The following PTPRD variants were observed in gnomAD, a reference collection of about 807,000 sequenced individuals.
PTPRD encodes the protein protein tyrosine phosphatase receptor type D, also known as receptor-type tyrosine-protein phosphatase delta.
In PTPRD, 34 loss-of-function variants were observed where a neutral mutation model predicts 214.5. That is an observed-to-expected ratio of 0.16 (90% CI 0.12 to 0.21). The LOEUF (loss-of-function observed/expected upper bound fraction) is 0.21. Among genes scored for constraint, PTPRD ranks in the 10% least tolerant of loss-of-function variants. The pLI is 1.00. For missense variants in PTPRD, 2,545 were observed against 2,398.7 expected, an observed-to-expected ratio of 1.06 and a Z score of -1.27; for synonymous variants, 1,128 against 845.7, an observed-to-expected ratio of 1.33 and a Z score of -5.79.
intron 11 of PTPRD, among the ~76,000 whole-genome samples, chr9:8,909,845 T>C (rs1486091773): frequency 8.0e-6 from 1 of 124,742 alleles, no homozygotes; most frequent in Non-Finnish European, 1.6e-5. Context: ...GAAAGGGAGA[T>C]GGAGAGAGAG....
intron 12 of PTPRD, among the ~76,000 whole-genome samples, chr9:8,731,384 G>A (rs184585936): frequency 1.2e-3 from 186 of 152,248 alleles, no homozygotes; most frequent in African/African-American, 3.5e-3. Context: ...GGATCAATAC[G>A]AAACACAGTT....
intron 12 of PTPRD, chr9:8,700,922 G>T (rs2098064811): frequency 6.6e-6 from 1 of 152,122 alleles, no homozygotes; most frequent in Non-Finnish European, 1.5e-5. Flanking sequence ...CAGCACTTTG[G>T]GAGGCCGAGG....
rs5896325 is a variant in PTPRD at position 9,413,100 on chromosome 9, C to CTTTTTTTTTTTTTTTTTT, written c.-236-15636_-236-15619dup. Among the ~76,000 whole-genome samples the CTTTTTTTTTTTTTTTTTT allele has an allele frequency of 1.6e-3, 98 of 63,022 alleles. 13 individuals are homozygous for CTTTTTTTTTTTTTTTTTT. Among genetic ancestry groups the CTTTTTTTTTTTTTTTTTT allele is most frequent in the East Asian group, 3.3e-3 (5 of 1,516 alleles). The allele number at this position is 63,022 out of a possible 152,430, so 41.3% of individuals were successfully genotyped here. On this transcript the variant is annotated intron_variant, in intron 8 of 45. Transcript: ENST00000381196. ...CAAGTTATAAAATATCTTGCAGCTT[C>CTTTTTTTTTTTTTTTTTT]TTTTTTTTTTTTTTTTTTTTTTTTT...
intron 5 of PTPRD, among the ~76,000 whole-genome samples, chr9:9,894,745 G>A (rs551212597): frequency 2.2e-4 from 33 of 151,942 alleles, no homozygotes; most frequent in African/African-American, 6.0e-4. Flanking sequence ...CTATGCATTC[G>A]GAGATTTAAT....
chr9:9,514,089 C>T (rs1267384738), intron 8 of PTPRD, among the ~76,000 whole-genome samples: 1 of 151,996 alleles, frequency 6.6e-6, no homozygotes, highest in Non-Finnish European at 1.5e-5. Context: ...TGTTTTTGTG[C>T]TTTGAACATT....
chr9:9,884,346 GCAA>G, intron 5 of PTPRD, among the ~76,000 whole-genome samples: 1 of 152,222 alleles, frequency 6.6e-6, no homozygotes, highest in African/African-American at 2.4e-5. Flanking sequence ...AAGCAAGAAA[GCAA>G]CAACATCTAT....
chr9:8,483,803 AAAACAAACAAAC>A (rs202069221), intron 30 of PTPRD, among the ~76,000 whole-genome samples: 56 of 87,314 alleles, frequency 6.4e-4, no homozygotes, highest in Admixed American at 5.3e-3. Context: ...AACAAAAACA[AAAACAAACAAAC>A]AAACAAACAA....
At chr9:9,797,371 C>T (rs1026315525) in intron 5 of PTPRD, among the ~76,000 whole-genome samples, 12 of 146,518 alleles carry the variant, frequency 8.2e-5, no homozygotes, top group African/African-American at 2.3e-4. Flanking sequence ...TTAAAATGTG[C>T]AAAGCAAATT....
At chr9:10,082,840 A>ACACACACAC (rs1555566891) in intron 3 of PTPRD, among the ~76,000 whole-genome samples, 6 of 128,232 alleles carry the variant, frequency 4.7e-5, no homozygotes, top group African/African-American at 1.4e-4. Flanking sequence ...CACACACACA[A>ACACACACAC]ACACACACAC....
At chr9:9,244,717 T>C (rs2099972170) in intron 9 of PTPRD, among the ~76,000 whole-genome samples, 1 of 152,068 alleles carries the variant, frequency 6.6e-6, no homozygotes, top group South Asian at 2.1e-4. Context: ...ATTCAGGACA[T>C]AGGCATGGGC....
At chr9:9,989,603 C>A (rs928797385) in intron 4 of PTPRD, among the ~76,000 whole-genome samples, 1 of 152,142 alleles carries the variant, frequency 6.6e-6, no homozygotes, top group Non-Finnish European at 1.5e-5. Context: ...ATATTCACCA[C>A]CCTCCAATTT....
At chr9:10,557,375 C>T (rs1325215375) in intron 2 of PTPRD, among the ~76,000 whole-genome samples, 3 of 152,130 alleles carry the variant, frequency 2.0e-5, no homozygotes, top group Non-Finnish European at 4.4e-5. Context: ...ACGCAGCATT[C>T]TTTCTCTCTT....
intron 14 of PTPRD, among the ~76,000 whole-genome samples, chr9:8,604,770 T>G (rs2095101384): frequency 6.6e-6 from 1 of 152,168 alleles, no homozygotes; most frequent in South Asian, 2.1e-4. Flanking sequence ...AGAAATCAAG[T>G]AAGTCTGTGA....
At chr9:9,787,073 G>GT (rs1432983918) in intron 5 of PTPRD, among the ~76,000 whole-genome samples, 3 of 151,930 alleles carry the variant, frequency 2.0e-5, no homozygotes, top group Non-Finnish European at 4.4e-5. Context: ...GGCAGCGGAG[G>GT]TTGCAGTGAT....
At chr9:8,934,795 C>T (rs2098985310) in intron 11 of PTPRD, among the ~76,000 whole-genome samples, 1 of 151,546 alleles carries the variant, frequency 6.6e-6, no homozygotes, top group Admixed American at 6.6e-5. Context: ...CCCTGGCAAC[C>T]ACCATCGTAC....
chr9:8,813,511 C>T (rs1314062257), intron 11 of PTPRD, among the ~76,000 whole-genome samples: 1 of 152,172 alleles, frequency 6.6e-6, no homozygotes. Context: ...CTTGTGACTA[C>T]AAGGCACGTG....
rs572971224 is a variant in PTPRD at position 10,034,544 on chromosome 9, T to C, written c.-544-754A>G. On this transcript the variant is annotated intron_variant, in intron 3 of 45. Coordinates refer to ENST00000381196, the MANE Select transcript of PTPRD (RefSeq NM_002839.4). ...CCGGGGTATTAAGCCTAATATCCATTAGTTATTTTTCATGATCCTCTCCCT... is the reference window on the plus strand; with the variant it reads ...CCGGGGTATTAAGCCTAATATCCATCAGTTATTTTTCATGATCCTCTCCCT... 3.9e-5 allele frequency among the ~76,000 whole-genome samples: 6 copies of C among 151,922 alleles called. No individual in the cohort carries two copies. In the South Asian group the frequency reaches 6.3e-4, roughly 16 times the overall value.
intron 9 of PTPRD, among the ~76,000 whole-genome samples, chr9:9,359,862 A>C (rs2055334170): frequency 6.6e-6 from 1 of 151,316 alleles, no homozygotes; most frequent in African/African-American, 2.4e-5. Flanking sequence ...CAAAAAAGTG[A>C]AAGAAGATTC....
chr9:9,321,089 C>T (rs1008575340), intron 9 of PTPRD, among the ~76,000 whole-genome samples: 4 of 152,138 alleles, frequency 2.6e-5, no homozygotes, highest in African/African-American at 9.7e-5. Context: ...AACACTGAGA[C>T]ACAAATTAAC....
Sources: gnomAD v4.1 joint callset for allele counts (sites outside exome capture counted in the v4.1 genomes callset) on GRCh38, gnomAD v4.1.1 for gene constraint, MANE v1.5 for transcripts, NCBI Gene and HGNC (gene_info 2026-07-23, HGNC 2026-07-21) for gene names.